SNX13: variants seen among roughly 807,000 people sequenced by gnomAD.
SNX13 encodes the protein sorting nexin 13, also known as sorting nexin-13.
A neutral mutation model predicts 133.6 loss-of-function variants in SNX13; 45 were observed. The ratio of observed to expected loss-of-function variants is 0.34; its 90% CI spans 0.27 to 0.43. The LOEUF (loss-of-function observed/expected upper bound fraction) is 0.43, where lower values mean the gene tolerates loss of function less well. Ranked by LOEUF, SNX13 falls within the 20% of genes least tolerant of loss-of-function variation. SNX13 has a pLI of 1.00. For missense variants in SNX13, 1,032 were observed against 1,145.1 expected (o/e 0.90, Z 1.43); for synonymous variants, 414 against 373.9 (o/e 1.11, Z -1.24).
At chr7:17,811,764 A>G (rs900690988) in intron 20 of SNX13, among the ~76,000 whole-genome samples, 1 of 152,226 alleles carries the variant, frequency 6.6e-6, no homozygotes, top group Non-Finnish European at 1.5e-5. Flanking sequence ...AAGCTACAGT[A>G]GTCAAAACAG....
intron 8 of SNX13, among the ~76,000 whole-genome samples, chr7:17,870,446 A>T (rs1172407969): frequency 6.6e-6 from 1 of 152,266 alleles, no homozygotes; most frequent in Non-Finnish European, 1.5e-5. Flanking sequence ...CATGGTCTGC[A>T]ATTATCCTCA....
intron 20 of SNX13, among the ~76,000 whole-genome samples, chr7:17,805,238 T>TGC (rs1314390572): frequency 1.6e-3 from 185 of 113,054 alleles, no homozygotes; most frequent in South Asian, 3.7e-3. Context: ...TGTGTGTGTG[T>TGC]GTGTGTGTGT....
At chr7:17,844,360 A>G (rs752283261) in intron 12 of SNX13, among the ~76,000 whole-genome samples, 1 of 152,098 alleles carries the variant, frequency 6.6e-6, no homozygotes, top group Non-Finnish European at 1.5e-5. Flanking sequence ...TCATGAAGGA[A>G]TTGAAAATCT....
At chr7:17,827,267 G>A (rs762734424) in intron 16 of SNX13, among the ~76,000 whole-genome samples, 2 of 151,758 alleles carry the variant, frequency 1.3e-5, no homozygotes, top group Non-Finnish European at 2.9e-5. Flanking sequence ...GTGGTCTTGG[G>A]GACACCGAAC....
intron 1 of SNX13, among the ~76,000 whole-genome samples, chr7:17,906,946 T>C (rs555452040): frequency 3.3e-5 from 5 of 152,294 alleles, no homozygotes; most frequent in Admixed American, 1.3e-4. Flanking sequence ...GTGAGTTCAT[T>C]TGGTGTATCA....
chr7:17,829,576 C>T (rs924515964), intron 16 of SNX13, among the ~76,000 whole-genome samples: 1 of 151,262 alleles, frequency 6.6e-6, no homozygotes, highest in Non-Finnish European at 1.5e-5. Flanking sequence ...AATATCTATT[C>T]GGTTTTGGTT....
In SNX13 at chr7:17,792,461, A is replaced by T. The variant is rs760695438; in HGVS notation, c.*1584T>A. 2 of 152,444 alleles carry T rather than the reference A, an allele frequency of 1.3e-5. No homozygotes were observed. The highest frequency in any genetic ancestry group is 1.5e-5 in the Non-Finnish European group (1 of 67,916). 9.4% of individuals were successfully genotyped at this position (152,444 alleles called of 1,614,324 possible). A position where few individuals can be genotyped will look rare whatever the true frequency, so the allele number is the denominator to read the frequency against. On this transcript the variant is annotated 3_prime_UTR_variant, in exon 26 of 26. Transcript: ENST00000428135. ...CATTATTAATAAATATGATTATTAT[A>T]AAGCTTTAAAGGAAGGCTTTATTCT...
chr7:17,845,751 T>C (rs1024041203), intron 11 of SNX13, 57 bp from the exon 12 acceptor site: 3 of 1,217,546 alleles, frequency 2.5e-6, no homozygotes, highest in Middle Eastern at 1.9e-4. Context: ...TTGTTAAAGA[T>C]GTGTACATAA....
At chr7:17,883,321 T>A (rs916367215) in intron 5 of SNX13, among the ~76,000 whole-genome samples, 1 of 152,160 alleles carries the variant, frequency 6.6e-6, no homozygotes, top group African/African-American at 2.4e-5. Context: ...TTAGTTAAGA[T>A]AAAATACAGG....
Position 17,796,875 on chromosome 7 carries a change from T to C in SNX13, c.2578A>G (p.Met860Val). 6.2e-7 allele frequency: 1 copy of C among 1,611,354 alleles called. No individual in the cohort carries two copies. The highest frequency in any genetic ancestry group is 8.5e-7 in the Non-Finnish European group (1 of 1,178,202). Residue 860 changes from methionine to valine, a missense_variant, in exon 25 of 26, where the codon ATG becomes GTG. By Grantham distance (21) the Met-to-Val change is conservative (BLOSUM62 1). Transcript: ENST00000428135. ...GTTTTTCCTGCTACTCTTGTTCTCATTCGAATACTTTTATCTCTGCATGGA... is the reference window on the plus strand; with the variant it reads ...GTTTTTCCTGCTACTCTTGTTCTCACTCGAATACTTTTATCTCTGCATGGA... Reference protein sequence around the residue: ...AVPCRDKSIRMRTRVAGKTKL... With the variant: ...AVPCRDKSIRVRTRVAGKTKL...
At position 17,798,685 on chromosome 7, in the gene SNX13, T is replaced by C. The variant is rs1356994282; in HGVS notation, c.2513+5A>G. 9 of 1,568,770 alleles carry C rather than the reference T, an allele frequency of 5.7e-6. No homozygotes were observed. The Admixed American group carries it at 1.1e-4, about 20-fold the overall frequency. On this transcript the variant is annotated splice_donor_5th_base_variant and intron_variant, in intron 24 of 25. Coordinates refer to ENST00000428135, the MANE Select transcript of SNX13 (RefSeq NM_015132.5). ...TGAAAGAAGTGACTGTGTCTTAAGA[T>C]ATACCTGAAACGTTTCACTGAGTCG...
At chr7:17,865,344 T>C (rs1250802848) in intron 9 of SNX13, among the ~76,000 whole-genome samples, 1 of 152,162 alleles carries the variant, frequency 6.6e-6, no homozygotes, top group African/African-American at 2.4e-5. Context: ...AGTGTTTCTA[T>C]GTGAACAATT....
chr7:17,804,869 T>C (rs757287981), intron 20 of SNX13, among the ~76,000 whole-genome samples: 2 of 152,154 alleles, frequency 1.3e-5, no homozygotes, highest in African/African-American at 4.8e-5. Context: ...CGTTAATAGA[T>C]GGTAAGAAGA....
chr7:17,829,983 T>TA, intron 16 of SNX13, 27 bp downstream of exon 16: 1 of 1,478,010 alleles, frequency 6.8e-7, no homozygotes, highest in Non-Finnish European at 9.2e-7. Flanking sequence ...CAAGTCACTT[T>TA]AATAAAGTAC....
chr7:17,915,563 A>C (rs1301293443), intron 1 of SNX13, among the ~76,000 whole-genome samples: 2 of 152,194 alleles, frequency 1.3e-5, no homozygotes, highest in Non-Finnish European at 2.9e-5. Context: ...GTGGTGGAGC[A>C]GCCCAACAGG....
intron 9 of SNX13, among the ~76,000 whole-genome samples, chr7:17,867,397 A>G (rs1793521566): frequency 6.6e-6 from 1 of 152,188 alleles, no homozygotes; most frequent in South Asian, 2.1e-4. Context: ...GCTTGAGCTC[A>G]GGAGTTCATG....
At chr7:17,830,161 T>TAAA (rs367739163) in intron 15 of SNX13, 114 bp from the exon 16 acceptor site, 20,494 of 466,080 alleles carry the variant, frequency 0.044, 187 homozygotes, top group South Asian at 0.076. Flanking sequence ...AACATAATAG[T>TAAA]AAAAAAAAAA....
intron 16 of SNX13, among the ~76,000 whole-genome samples, chr7:17,829,588 T>C (rs1411732649): frequency 6.6e-6 from 1 of 151,414 alleles, no homozygotes; most frequent in Non-Finnish European, 1.5e-5. Flanking sequence ...GTTTTGGTTA[T>C]CCCCACTAGT....
At chr7:17,935,963 A>G (rs1801973228) in intron 1 of SNX13, among the ~76,000 whole-genome samples, 1 of 152,242 alleles carries the variant, frequency 6.6e-6, no homozygotes, top group Non-Finnish European at 1.5e-5. Flanking sequence ...CTTATGGGCA[A>G]GACAACTGTG....
Sources: allele counts gnomAD v4.1 joint callset (sites outside exome capture counted in the v4.1 genomes callset), GRCh38; gene constraint gnomAD v4.1.1; transcripts MANE v1.5; gene names NCBI Gene and HGNC (gene_info 2026-07-23, HGNC 2026-07-21).